The following GBE1 variants were observed in gnomAD, a reference collection of about 807,000 sequenced individuals.
GBE1 encodes 1,4-alpha-glucan-branching enzyme.
A neutral mutation model predicts 88.8 loss-of-function variants in GBE1; 70 were observed. The ratio of observed to expected loss-of-function variants is 0.79; its 90% CI spans 0.65 to 0.96. The LOEUF is 0.96. GBE1 is among the 40% of genes least tolerant of loss of function. The pLI is 0.00. For synonymous variants in GBE1, 284 were observed against 300.1 expected (o/e 0.95, Z 0.56); for missense variants, 872 against 871.0 (o/e 1.00, Z -0.01).
At position 81,528,374 on chromosome 3, in the gene GBE1, T is replaced by A. The variant is rs189649877; in HGVS notation, c.1934+6821A>T. Among the ~76,000 whole-genome samples the A allele has an allele frequency of 3.3e-5, 5 of 152,136 alleles. No individual in the cohort carries two copies. The East Asian group carries it at 5.8e-4, about 18-fold the overall frequency. On this transcript the variant is annotated intron_variant, in intron 14 of 15. Coordinates refer to ENST00000429644, the MANE Select transcript of GBE1 (RefSeq NM_000158.4). Reference sequence around the variant, plus strand: ...CATGTACCCTAAACTTAAAGTATAATTTTAAAAAAAGACAATCATAAAACA... The same window carrying A: ...CATGTACCCTAAACTTAAAGTATAAATTTAAAAAAAGACAATCATAAAACA...
At chr3:81,538,398 T>C (rs931416077) in intron 12 of GBE1, among the ~76,000 whole-genome samples, 1 of 151,988 alleles carries the variant, frequency 6.6e-6, no homozygotes, top group Non-Finnish European at 1.5e-5. Flanking sequence ...AATAGGTGTA[T>C]AGCAGTTTCT....
At chr3:81,760,532 A>G (rs566727750) in intron 1 of GBE1, among the ~76,000 whole-genome samples, 2 of 152,360 alleles carry the variant, frequency 1.3e-5, no homozygotes, top group East Asian at 3.9e-4. Context: ...AAAATGGGGT[A>G]ACCTCACAAG....
chr3:81,625,679 T>C (rs1393266616), intron 7 of GBE1, among the ~76,000 whole-genome samples: 2 of 152,136 alleles, frequency 1.3e-5, no homozygotes, highest in East Asian at 3.9e-4. Flanking sequence ...AGTGCTTAAG[T>C]GATTCTGCCA....
intron 2 of GBE1, among the ~76,000 whole-genome samples, chr3:81,696,096 A>G (rs1011166026): frequency 3.3e-5 from 5 of 152,220 alleles, no homozygotes; most frequent in Admixed American, 6.5e-5. Context: ...AAAAGGAAAT[A>G]GTTCAACAGG....
At chr3:81,738,227 C>T (rs1706297242) in intron 1 of GBE1, among the ~76,000 whole-genome samples, 3 of 151,456 alleles carry the variant, frequency 2.0e-5, no homozygotes, top group Admixed American at 6.6e-5. Context: ...GTGCATGTGT[C>T]TTTATAGCAG....
At chr3:81,596,077 T>C (rs555202058) in intron 7 of GBE1, among the ~76,000 whole-genome samples, 1 of 152,086 alleles carries the variant, frequency 6.6e-6, no homozygotes, top group East Asian at 1.9e-4. Flanking sequence ...TCTTTTATAT[T>C]TTATGAATCA....
At chr3:81,656,445 TG>T (rs2107087676) in intron 3 of GBE1, among the ~76,000 whole-genome samples, 2 of 152,332 alleles carry the variant, frequency 1.3e-5, no homozygotes, top group Admixed American at 1.3e-4. Context: ...ACTATGGCCC[TG>T]ACAACAACTT....
intron 1 of GBE1, among the ~76,000 whole-genome samples, chr3:81,708,460 C>G (rs576084717): frequency 6.6e-6 from 1 of 152,124 alleles, no homozygotes; most frequent in Admixed American, 6.6e-5. Context: ...TAAAGAAGTG[C>G]AAACCTAAAC....
intron 3 of GBE1, among the ~76,000 whole-genome samples, chr3:81,666,418 T>C (rs1011406026): frequency 1.2e-4 from 18 of 152,182 alleles, no homozygotes; most frequent in African/African-American, 4.3e-4. Flanking sequence ...TAAAACTGAC[T>C]CTCTTCAACT....
At chr3:81,677,862 CTT>C (rs1705283603) in intron 2 of GBE1, among the ~76,000 whole-genome samples, 2 of 152,132 alleles carry the variant, frequency 1.3e-5, no homozygotes, top group Non-Finnish European at 2.9e-5. Flanking sequence ...ATTAGTTTAG[CTT>C]AGGTGTGGTT....
chr3:81,684,841 A>G (rs140398518), intron 2 of GBE1, among the ~76,000 whole-genome samples: 1 of 152,342 alleles, frequency 6.6e-6, no homozygotes, highest in African/African-American at 2.4e-5. Flanking sequence ...CCAGAACTAA[A>G]GCTACATCAG....
chr3:81,649,020 T>C, intron 4 of GBE1, 29 bp from the exon 5 acceptor site: 1 of 1,484,362 alleles, frequency 6.7e-7, no homozygotes, highest in Middle Eastern at 1.7e-4. Context: ...TGTATAGAGT[T>C]AAGCCAGGAA....
intron 2 of GBE1, among the ~76,000 whole-genome samples, chr3:81,672,560 T>C (rs868556637): frequency 1.3e-5 from 2 of 151,982 alleles, no homozygotes; most frequent in Non-Finnish European, 2.9e-5. Context: ...ATGAAACTTA[T>C]TGATACATAG....
intron 9 of GBE1, 67 bp downstream of exon 9, chr3:81,590,970 T>C: frequency 7.3e-7 from 1 of 1,363,188 alleles, no homozygotes; most frequent in Non-Finnish European, 1.0e-6. Flanking sequence ...ATTAATCAAA[T>C]ACTGTATGCT....
chr3:81,540,488 T>A (rs1703130087), intron 12 of GBE1, among the ~76,000 whole-genome samples: 1 of 152,022 alleles, frequency 6.6e-6, no homozygotes, highest in Admixed American at 6.6e-5. Flanking sequence ...TAGTGCTTGG[T>A]TTCCTCATCT....
intron 2 of GBE1, among the ~76,000 whole-genome samples, chr3:81,686,268 TAGTCATCTAC>T (rs980715761): frequency 2.6e-5 from 4 of 152,070 alleles, no homozygotes; most frequent in Non-Finnish European, 2.9e-5. Flanking sequence ...AAACTAGAAG[TAGTCATCTAC>T]AGCATCTACT....
At chr3:81,674,139 TA>T (rs1246235803) in intron 2 of GBE1, among the ~76,000 whole-genome samples, 1 of 151,908 alleles carries the variant, frequency 6.6e-6, no homozygotes, top group African/African-American at 2.4e-5. Flanking sequence ...CAATCATTGC[TA>T]AGCCCTAAAT....
intron 2 of GBE1, among the ~76,000 whole-genome samples, chr3:81,678,226 C>T (rs1705290329): frequency 2.6e-5 from 4 of 152,144 alleles, no homozygotes; most frequent in Admixed American, 1.3e-4. Context: ...AGCTGTATCA[C>T]AATGGAATAT....
At chr3:81,539,983 C>T (rs760761118) in intron 12 of GBE1, among the ~76,000 whole-genome samples, 2 of 151,606 alleles carry the variant, frequency 1.3e-5, no homozygotes, top group African/African-American at 2.4e-5. Context: ...AGAGAAAAAA[C>T]GCCATGGCCA....
Sources: gnomAD v4.1 joint callset for allele counts (sites outside exome capture counted in the v4.1 genomes callset) on GRCh38, gnomAD v4.1.1 for gene constraint, MANE v1.5 for transcripts, NCBI Gene and HGNC (gene_info 2026-07-23, HGNC 2026-07-21) for gene names.